ZNF407: variants seen among roughly 807,000 people sequenced by gnomAD.
ZNF407 encodes zinc finger protein 407.
A neutral mutation model predicts 131.2 loss-of-function variants in ZNF407; 17 were observed. The ratio of observed to expected loss-of-function variants is 0.13; its 90% confidence interval spans 0.09 to 0.19. The LOEUF is 0.19. Ranked by LOEUF, ZNF407 falls within the 10% of genes least tolerant of loss-of-function variation. The probability of loss-of-function intolerance (pLI) is 1.00; values close to 1 mark genes in which losing one functional copy is unlikely to be tolerated. For missense variants in ZNF407, 2,681 were observed against 2,830.6 expected, an observed-to-expected ratio of 0.95 and a Z score of 1.20; for synonymous variants, 1,156 against 1,062.0, an observed-to-expected ratio of 1.09 and a Z score of -1.72.
At chr18:74,992,808 A>G (rs1972734346) in intron 8 of ZNF407, among the ~76,000 whole-genome samples, 2 of 152,250 alleles carry the variant, frequency 1.3e-5, no homozygotes, top group African/African-American at 4.8e-5. Flanking sequence ...AATTTTAAGA[A>G]GACAAAGATT....
chr18:74,996,184 C>T (rs929077749), intron 8 of ZNF407, among the ~76,000 whole-genome samples: 2 of 152,174 alleles, frequency 1.3e-5, no homozygotes, highest in African/African-American at 4.8e-5. Context: ...AAGGCAGCTT[C>T]CGTAAGGTAA....
Position 74,633,154 on chromosome 18 carries a change from A to G in ZNF407, c.2135A>G (p.Tyr712Cys). Residue 712 changes from tyrosine to cysteine, a missense_variant, in exon 2 of 9, where the codon TAT becomes TGT. Coordinates refer to ENST00000299687, the MANE Select transcript of ZNF407 (RefSeq NM_017757.3). The part of the protein sequence containing the change: ...KPQFQCKKCF[Y>C]KTRSSTVLTR... ...CAGTTTCAGTGTAAGAAGTGTTTTT[A>G]TAAAACAAGATCTTCTACTGTTCTC... 1.9e-6 allele frequency: 3 copies of G among 1,613,128 alleles called. No individual in the cohort carries two copies. Among genetic ancestry groups the G allele is most frequent in the South Asian group, 1.1e-5 (1 of 90,856 alleles).
In ZNF407 at chr18:75,064,276, G is replaced by A. The variant is rs1599320387; in HGVS notation, c.6555G>A (p.Leu2185=). The A allele has an allele frequency of 3.1e-6, 5 of 1,605,032 alleles. 1 individual carries two copies. Among genetic ancestry groups the A allele is most frequent in the East Asian group, 2.2e-5 (1 of 44,648 alleles). ...LPPGVQDEPG[L]YSHTVLETAD... ...CAGGGGTGCAGGACGAGCCGGGCCT[G>A]TACTCCCACACCGTGCTGGAGACTG... Residue 2185 remains leucine (L), a synonymous_variant, in exon 9 of 9, where the codon CTG becomes CTA. Coordinates refer to ENST00000299687, the MANE Select transcript of ZNF407 (RefSeq NM_017757.3).
chr18:74,601,126 G>C (rs118169262), intron 1 of ZNF407, among the ~76,000 whole-genome samples: 1 of 152,058 alleles, frequency 6.6e-6, no homozygotes, highest in African/African-American at 2.4e-5. Flanking sequence ...TGTCTGCTTC[G>C]GGTGACTGGG....
chr18:74,861,978 G>A (rs1005507943), intron 4 of ZNF407, among the ~76,000 whole-genome samples: 5 of 152,128 alleles, frequency 3.3e-5, no homozygotes, highest in African/African-American at 9.7e-5. Flanking sequence ...GGTGCTTAGT[G>A]AGAATAGAAT....
rs1225997041 is a variant in ZNF407, at chr18:74,755,724, C to CT, written c.4803-25701dup. Among the ~76,000 whole-genome samples, 637 of 120,292 alleles carry CT rather than the reference C, an allele frequency of 5.3e-3. 8 individuals are homozygous for CT. The highest frequency in any genetic ancestry group is 0.017 in the African/African-American group (544 of 31,320). The allele number at this position is 120,292 out of a possible 152,430, so 78.9% of individuals were successfully genotyped here. On this transcript the variant is annotated intron_variant, in intron 3 of 8. Transcript: ENST00000299687. The stretch of plus-strand genomic sequence containing the variant: ...CTGCCTCAGCCTGCCTCTCTTCTTT[C>CT]TTTCCTTTCTTTCTTTCTTTCTTTC...
At chr18:74,812,389 C>G (rs1436423127) in intron 4 of ZNF407, among the ~76,000 whole-genome samples, 1 of 152,166 alleles carries the variant, frequency 6.6e-6, no homozygotes, top group Admixed American at 6.5e-5. Context: ...AATGTAATCC[C>G]CCTCTACACC....
At chr18:74,880,701 G>A (rs1417349755) in intron 5 of ZNF407, among the ~76,000 whole-genome samples, 4 of 151,556 alleles carry the variant, frequency 2.6e-5, no homozygotes, top group African/African-American at 7.3e-5. Flanking sequence ...AAGGCCAGAT[G>A]TATGGGAATT....
chr18:74,791,405 A>G (rs530793662), intron 4 of ZNF407, among the ~76,000 whole-genome samples: 1 of 152,314 alleles, frequency 6.6e-6, no homozygotes, highest in African/African-American at 2.4e-5. Flanking sequence ...AATTTAATCC[A>G]GTTTTTTATT....
intron 4 of ZNF407, among the ~76,000 whole-genome samples, chr18:74,858,245 TA>T (rs914168537): frequency 6.6e-6 from 1 of 151,788 alleles, no homozygotes; most frequent in East Asian, 1.9e-4. Context: ...GTCCACGTAT[TA>T]ACACCCCCTT....
At chr18:74,738,817 A>T (rs1968481770) in intron 3 of ZNF407, among the ~76,000 whole-genome samples, 2 of 152,200 alleles carry the variant, frequency 1.3e-5, no homozygotes, top group African/African-American at 4.8e-5. Context: ...GACTGAATGA[A>T]CACTGGAGGA....
At chr18:74,838,044 A>T (rs1234425163) in intron 4 of ZNF407, among the ~76,000 whole-genome samples, 1 of 152,096 alleles carries the variant, frequency 6.6e-6, no homozygotes, top group Non-Finnish European at 1.5e-5. Context: ...TACAGATATT[A>T]TGTATTCTTT....
chr18:74,682,907 G>T (rs576935291), intron 3 of ZNF407, among the ~76,000 whole-genome samples: 1 of 152,272 alleles, frequency 6.6e-6, no homozygotes, highest in South Asian at 2.1e-4. Context: ...TGTGCTGGGG[G>T]ATCTTTCTGT....
chr18:75,020,231 G>A (rs1035003430), intron 8 of ZNF407, among the ~76,000 whole-genome samples: 2 of 151,884 alleles, frequency 1.3e-5, no homozygotes, highest in Admixed American at 6.6e-5. Context: ...GTGTATGTAG[G>A]AAAAAGCATA....
At chr18:74,835,604 T>G (rs1970544093) in intron 4 of ZNF407, among the ~76,000 whole-genome samples, 1 of 149,740 alleles carries the variant, frequency 6.7e-6, no homozygotes, top group Admixed American at 6.8e-5. Context: ...TTTGAGTGTG[T>G]GAGTTTGTGT....
chr18:74,688,557 T>C (rs1967148478), intron 3 of ZNF407, among the ~76,000 whole-genome samples: 1 of 152,238 alleles, frequency 6.6e-6, no homozygotes, highest in Non-Finnish European at 1.5e-5. Flanking sequence ...TTACCAGTTT[T>C]GTTTTATGGT....
chr18:74,667,446 A>G (rs1486004427), intron 3 of ZNF407, among the ~76,000 whole-genome samples: 3 of 152,196 alleles, frequency 2.0e-5, no homozygotes, highest in African/African-American at 7.2e-5. Context: ...TTAATGATAG[A>G]CAGTTTATGG....
At chr18:74,733,162 C>G (rs1222142820) in intron 3 of ZNF407, among the ~76,000 whole-genome samples, 1 of 151,604 alleles carries the variant, frequency 6.6e-6, no homozygotes, top group Non-Finnish European at 1.5e-5. Context: ...TTAAAGTTAG[C>G]TAATGTTTTA....
intron 3 of ZNF407, among the ~76,000 whole-genome samples, chr18:74,686,351 CA>C (rs1242816377): frequency 1.3e-5 from 2 of 152,226 alleles, no homozygotes; most frequent in African/African-American, 4.8e-5. Flanking sequence ...TCATCTACTT[CA>C]TAACCCCCAT....
Sources: allele counts gnomAD v4.1 joint callset (sites outside exome capture counted in the v4.1 genomes callset), GRCh38; gene constraint gnomAD v4.1.1; transcripts MANE v1.5; gene names NCBI Gene and HGNC (gene_info 2026-07-23, HGNC 2026-07-21).